The following PKHD1L1 variants were observed in gnomAD, a reference collection of about 807,000 sequenced individuals.
PKHD1L1 encodes the protein fibrocystin-L.
Under a neutral mutation model 462.9 loss-of-function variants are expected in PKHD1L1, and 434 were observed. The observed-to-expected ratio is 0.94, with a 90% confidence interval of 0.87 to 1.02. PKHD1L1 has a LOEUF of 1.02. Among genes scored for constraint, PKHD1L1 ranks in the 50% least tolerant of loss-of-function variants. The probability of loss-of-function intolerance (pLI) is 0.00; values close to 1 mark genes in which losing one functional copy is unlikely to be tolerated. For synonymous variants in PKHD1L1, 1,781 were observed against 1,750.0 expected, an observed-to-expected ratio of 1.02 and a Z score of -0.44; for missense variants, 5,202 against 5,096.1, an observed-to-expected ratio of 1.02 and a Z score of -0.63.
chr8:109,409,419 T>C (rs1813723812), intron 18 of PKHD1L1, among the ~76,000 whole-genome samples: 1 of 152,116 alleles, frequency 6.6e-6, no homozygotes, highest in Non-Finnish European at 1.5e-5. Flanking sequence ...CAGCTAATTT[T>C]TATATTTTTA....
At chr8:109,492,412 T>G (rs190198389) in intron 62 of PKHD1L1, among the ~76,000 whole-genome samples, 3 of 152,036 alleles carry the variant, frequency 2.0e-5, no homozygotes, top group African/African-American at 7.2e-5. Context: ...CCATGGAGTT[T>G]CTTCAATTAC....
chr8:109,515,469 A>G (rs1369408275), intron 72 of PKHD1L1, among the ~76,000 whole-genome samples, 164 bp downstream of exon 72: 2 of 152,168 alleles, frequency 1.3e-5, no homozygotes, highest in Non-Finnish European at 2.9e-5. Flanking sequence ...CATTTGTAAC[A>G]TGAGTGTCTT....
chr8:109,442,959 C>T lies in PKHD1L1; in HGVS notation c.4407C>T (p.Tyr1469=), dbSNP rs749800400. ...RQKSTSGSFS[Y]QFTSPGIHYY... is the part of the protein sequence containing the mutation. ...ATTTTATGGCAGGTTCATTTTCTTACCAATTTACTTCTCCTGGAATCCATT... is the reference window on the plus strand; with the variant it reads ...ATTTTATGGCAGGTTCATTTTCTTATCAATTTACTTCTCCTGGAATCCATT... Residue 1469 remains tyrosine (Y), a synonymous_variant, in exon 36 of 78, where the codon TAC becomes TAT. Coordinates refer to ENST00000378402, the MANE Select transcript of PKHD1L1 (RefSeq NM_177531.6). 6.2e-7 allele frequency: 1 copy of T among 1,612,388 alleles called. No individual in the cohort carries two copies. The highest frequency in any genetic ancestry group is 1.1e-5 in the South Asian group (1 of 90,938).
intron 19 of PKHD1L1, among the ~76,000 whole-genome samples, chr8:109,410,860 C>T (rs1172167866): frequency 2.6e-5 from 4 of 150,982 alleles, no homozygotes. Flanking sequence ...TCCCGAGTAG[C>T]TTGGACTACA....
In PKHD1L1 at chr8:109,410,578, G is replaced by T. The variant is rs116004373; in HGVS notation, c.2085+600G>T. Among the ~76,000 whole-genome samples the T allele has an allele frequency of 9.5e-3, 1,440 of 152,032 alleles. 20 individuals carry two copies. The highest frequency in any genetic ancestry group is 0.033 in the African/African-American group (1,359 of 41,438). ...GATGGGATGGTGCTAAGCCATTCAT[G>T]AGAAATCCACCCCCGTGATCAAATC... On this transcript the variant is annotated intron_variant, in intron 19 of 77. Transcript: ENST00000378402.
At chr8:109,475,535 T>G (rs1013636358) in intron 51 of PKHD1L1, among the ~76,000 whole-genome samples, 1 of 152,098 alleles carries the variant, frequency 6.6e-6, no homozygotes, top group Non-Finnish European at 1.5e-5. Context: ...TGATAATAAC[T>G]TACCTTTACT....
rs200518130 is a variant in PKHD1L1, at chr8:109,394,427, G to T, written c.753G>T (p.Gln251His). The change falls in exon 10 of 78, where the codon CAG becomes CAT. Residue 251 changes from glutamine (Q) to histidine (H), a missense_variant. Physicochemically the swap from Gln to His is conservative, Grantham distance 24 (BLOSUM62 0). Around this residue, in one of 3 missense-constraint regions of PKHD1L1, gnomAD observed 4,497 missense variants for 4,336.8 expected, o/e 1.04. Transcript: ENST00000378402. Reference protein sequence around the residue: ...LDNDYGRSFPQKMAYFVSSLN... With the variant: ...LDNDYGRSFPHKMAYFVSSLN... ...CTTTTTTTAACAGGAGTTTTCCACAGAAAATGGCATATTTTGTTTCTTCTC... is the reference window on the plus strand; with the variant it reads ...CTTTTTTTAACAGGAGTTTTCCACATAAAATGGCATATTTTGTTTCTTCTC... 6.6e-7 allele frequency: 1 copy of T among 1,511,190 alleles called. No homozygotes were observed. Among genetic ancestry groups the T allele is most frequent in the Non-Finnish European group, 8.9e-7 (1 of 1,122,962 alleles). The allele number at this position is 1,511,190 out of a possible 1,614,324, so 93.6% of individuals were successfully genotyped here.
At chr8:109,388,206 C>T (rs1812531019) in intron 6 of PKHD1L1, among the ~76,000 whole-genome samples, 2 of 151,992 alleles carry the variant, frequency 1.3e-5, no homozygotes, top group Non-Finnish European at 2.9e-5. Context: ...TCTAACACAC[C>T]AAATATGTTA....
intron 18 of PKHD1L1, 54 bp from the exon 19 acceptor site, chr8:109,409,811 A>T: frequency 1.0e-6 from 1 of 959,596 alleles, no homozygotes; most frequent in Admixed American, 2.8e-5. Flanking sequence ...TAGGATTACG[A>T]GTGTTCTAAC....
chr8:109,484,447 T>A (rs1818426637), intron 57 of PKHD1L1, among the ~76,000 whole-genome samples: 1 of 151,872 alleles, frequency 6.6e-6, no homozygotes, highest in African/African-American at 2.4e-5. Flanking sequence ...TCAAATAATG[T>A]GCATAATGAA....
chr8:109,403,770 A>C (rs115543957), intron 14 of PKHD1L1, among the ~76,000 whole-genome samples: 1 of 152,166 alleles, frequency 6.6e-6, no homozygotes, highest in Non-Finnish European at 1.5e-5. Flanking sequence ...AACTGTGGAT[A>C]CTTATTCTTC....
intron 50 of PKHD1L1, among the ~76,000 whole-genome samples, chr8:109,474,693 ATAAC>A (rs1368491819): frequency 1.3e-5 from 2 of 152,134 alleles, no homozygotes; most frequent in African/African-American, 2.4e-5. Flanking sequence ...AGGATTCTGA[ATAAC>A]TAAGTTCTTA....
In PKHD1L1 at chr8:109,368,700, T is replaced by C. The variant is rs571184270; in HGVS notation, c.163+4064T>C. 2.0e-4 allele frequency among the ~76,000 whole-genome samples: 30 copies of C among 152,360 alleles called. No homozygotes were observed. The Middle Eastern group carries it at 0.01, about 52-fold the overall frequency. On this transcript the variant is annotated intron_variant, in intron 2 of 77. Coordinates refer to ENST00000378402, the MANE Select transcript of PKHD1L1 (RefSeq NM_177531.6). Reference sequence around the variant, plus strand: ...AAAACAAAACAGCCTGCATTCTTCATGACAAGTGCTGGCTTTAATAACACT... The same window carrying C: ...AAAACAAAACAGCCTGCATTCTTCACGACAAGTGCTGGCTTTAATAACACT...
chr8:109,405,218 T>A (rs1813473188), intron 16 of PKHD1L1, 88 bp downstream of exon 16: 1 of 812,210 alleles, frequency 1.2e-6, no homozygotes, highest in Non-Finnish European at 1.7e-6. Flanking sequence ...TTACACTGTC[T>A]GGAAAATATA....
intron 67 of PKHD1L1, among the ~76,000 whole-genome samples, chr8:109,499,909 G>A (rs981628958): frequency 1.3e-5 from 2 of 152,204 alleles, no homozygotes; most frequent in African/African-American, 4.8e-5. Flanking sequence ...CCCACATCTG[G>A]TGAGGTGGGT....
chr8:109,464,184 T>C, intron 48 of PKHD1L1, 32 bp from the exon 49 acceptor site: 1 of 1,474,880 alleles, frequency 6.8e-7, no homozygotes, highest in Non-Finnish European at 9.0e-7. Context: ...TCTGAGCTAT[T>C]ACTAAATAAC....
At chr8:109,471,540 C>A (rs1483787178) in intron 50 of PKHD1L1, among the ~76,000 whole-genome samples, 1 of 152,144 alleles carries the variant, frequency 6.6e-6, no homozygotes, top group African/African-American at 2.4e-5. Context: ...ATACTGTACA[C>A]ATTTCTTAAA....
At chr8:109,502,554 G>T (rs1488683491) in intron 67 of PKHD1L1, among the ~76,000 whole-genome samples, 4 of 152,176 alleles carry the variant, frequency 2.6e-5, no homozygotes, top group Non-Finnish European at 4.4e-5. Context: ...TGATGTAGGG[G>T]ATTTGGTAGG....
Position 109,515,323 on chromosome 8 carries a change from A to G in PKHD1L1, c.11689+18A>G, listed in dbSNP as rs201918028. 3.3e-6 allele frequency: 5 copies of G among 1,504,808 alleles called. No individual in the cohort carries two copies. Among genetic ancestry groups the G allele is most frequent in the Non-Finnish European group, 4.5e-6 (5 of 1,117,444 alleles). 93.2% of individuals were successfully genotyped at this position (1,504,808 alleles called of 1,614,324 possible). A position where few individuals can be genotyped will look rare whatever the true frequency, so the allele number is the denominator to read the frequency against. Reference sequence around the variant, plus strand: ...GTACAAAGGTATTGTCTCAGAAAAAATACAGTACACATGGAAAATGTACTT... The same window carrying G: ...GTACAAAGGTATTGTCTCAGAAAAAGTACAGTACACATGGAAAATGTACTT... On this transcript the variant is annotated intron_variant, in intron 72 of 77. Transcript: ENST00000378402.
Sources: allele counts gnomAD v4.1 joint callset (sites outside exome capture counted in the v4.1 genomes callset), GRCh38; gene constraint gnomAD v4.1.1; regional missense constraint gnomAD v4.1.1; transcripts MANE v1.5; gene names NCBI Gene and HGNC (gene_info 2026-07-23, HGNC 2026-07-21).